EPHA6: variants seen among roughly 807,000 people sequenced by gnomAD.
EPHA6 encodes EPH receptor A6, also known as ephrin type-A receptor 6.
A neutral mutation model predicts 112.0 loss-of-function variants in EPHA6; 50 were observed. The observed-to-expected ratio is 0.45, with a 90% CI of 0.36 to 0.56. The LOEUF (loss-of-function observed/expected upper bound fraction) is 0.56, where lower values mean the gene tolerates loss of function less well. Among genes scored for constraint, EPHA6 ranks in the 20% least tolerant of loss-of-function variants. EPHA6 has a pLI of 0.00. For synonymous variants in EPHA6, 529 were observed against 490.7 expected (o/e 1.08, Z -1.03); for missense variants, 1,280 against 1,417.4 (o/e 0.90, Z 1.56).
At chr3:97,260,114 T>C (rs1364135931) in intron 5 of EPHA6, among the ~76,000 whole-genome samples, 4 of 152,196 alleles carry the variant, frequency 2.6e-5, no homozygotes, top group Non-Finnish European at 4.4e-5. Flanking sequence ...AAGTATATCT[T>C]AAGTAACATG....
At chr3:97,190,009 A>G (rs2077258847) in intron 3 of EPHA6, among the ~76,000 whole-genome samples, 1 of 152,058 alleles carries the variant, frequency 6.6e-6, no homozygotes, top group South Asian at 2.1e-4. Context: ...AATGGAAATA[A>G]CAGAATCTCA....
intron 2 of EPHA6, among the ~76,000 whole-genome samples, chr3:96,898,163 C>T (rs757043444): frequency 1.3e-5 from 2 of 152,122 alleles, no homozygotes; most frequent in African/African-American, 2.4e-5. Context: ...TGAAAGTTAA[C>T]CCTTAACTGA....
intron 3 of EPHA6, among the ~76,000 whole-genome samples, chr3:97,153,124 A>G (rs1238824780): frequency 6.6e-6 from 1 of 152,140 alleles, no homozygotes; most frequent in East Asian, 1.9e-4. Flanking sequence ...TATTGTATAT[A>G]TTGTGTACCT....
At chr3:97,675,652 A>T (rs1229652275) in intron 14 of EPHA6, among the ~76,000 whole-genome samples, 1 of 152,168 alleles carries the variant, frequency 6.6e-6, no homozygotes, top group Non-Finnish European at 1.5e-5. Context: ...AACAGTCGTT[A>T]CCCATAAACT....
At chr3:97,655,442 A>G (rs1216528477) in intron 14 of EPHA6, among the ~76,000 whole-genome samples, 1 of 151,920 alleles carries the variant, frequency 6.6e-6, no homozygotes, top group African/African-American at 2.4e-5. Flanking sequence ...AGGTTGAGAA[A>G]AAAAGAGAAA....
intron 2 of EPHA6, among the ~76,000 whole-genome samples, chr3:96,929,192 C>A (rs1441215585): frequency 6.6e-6 from 1 of 152,150 alleles, no homozygotes; most frequent in Non-Finnish European, 1.5e-5. Flanking sequence ...AGTCCCACAG[C>A]CATTCTGTGT....
chr3:97,649,047 G>A (rs2094088456), intron 14 of EPHA6, among the ~76,000 whole-genome samples: 1 of 152,124 alleles, frequency 6.6e-6, no homozygotes, highest in South Asian at 2.1e-4. Flanking sequence ...CACAAAACAG[G>A]CACTTAGGTA....
chr3:97,488,167 A>G (rs1011322349), intron 10 of EPHA6, among the ~76,000 whole-genome samples: 2 of 152,162 alleles, frequency 1.3e-5, no homozygotes, highest in Non-Finnish European at 2.9e-5. Context: ...CCTTGTCTCA[A>G]TGGAAATACA....
chr3:97,701,676 C>T (rs1384344232), intron 14 of EPHA6, among the ~76,000 whole-genome samples: 1 of 151,324 alleles, frequency 6.6e-6, no homozygotes, highest in Non-Finnish European at 1.5e-5. Flanking sequence ...GTACTATTTG[C>T]ATTTGTCTGA....
intron 3 of EPHA6, among the ~76,000 whole-genome samples, chr3:97,110,880 T>C (rs1293085364): frequency 2.0e-5 from 3 of 152,132 alleles, no homozygotes; most frequent in Non-Finnish European, 4.4e-5. Flanking sequence ...TAATGTGACT[T>C]GCTCAGAATT....
At chr3:97,404,336 C>T (rs919591673) in intron 5 of EPHA6, among the ~76,000 whole-genome samples, 16 of 152,022 alleles carry the variant, frequency 1.1e-4, no homozygotes, top group African/African-American at 3.6e-4. Context: ...TTTTTTTGTG[C>T]CAATCTGTTA....
intron 5 of EPHA6, among the ~76,000 whole-genome samples, chr3:97,347,449 A>C (rs1249432438): frequency 2.0e-5 from 3 of 152,116 alleles, no homozygotes; most frequent in Non-Finnish European, 2.9e-5. Context: ...TACAAAAAAA[A>C]TTTACTAAGT....
At chr3:97,678,406 T>C (rs1424699857) in intron 14 of EPHA6, among the ~76,000 whole-genome samples, 3 of 152,132 alleles carry the variant, frequency 2.0e-5, no homozygotes, top group Non-Finnish European at 4.4e-5. Flanking sequence ...TTTTGAAGAC[T>C]ACAAAGTAGA....
At chr3:97,600,584 C>G in intron 12 of EPHA6, among the ~76,000 whole-genome samples, 1 of 152,132 alleles carries the variant, frequency 6.6e-6, no homozygotes, top group East Asian at 1.9e-4. Context: ...ACCTTCCTCC[C>G]CAACCCTGAT....
chr3:96,949,055 G>A (rs142428351), intron 2 of EPHA6, among the ~76,000 whole-genome samples: 9 of 152,244 alleles, frequency 5.9e-5, no homozygotes, highest in Non-Finnish European at 1.3e-4. Flanking sequence ...AATAAAATTG[G>A]TGTTGGATGA....
chr3:96,973,818 C>A (rs1383602965), intron 2 of EPHA6, among the ~76,000 whole-genome samples: 2 of 138,632 alleles, frequency 1.4e-5, no homozygotes, highest in Non-Finnish European at 3.1e-5. Flanking sequence ...GAGCGAGACT[C>A]CATATCAAAA....
At chr3:96,911,613 T>C (rs2039217216) in intron 2 of EPHA6, among the ~76,000 whole-genome samples, 1 of 152,074 alleles carries the variant, frequency 6.6e-6, no homozygotes, top group Non-Finnish European at 1.5e-5. Flanking sequence ...CATTTGTTCA[T>C]ACATGGTGCT....
At chr3:97,403,634 G>A (rs1162839759) in intron 5 of EPHA6, among the ~76,000 whole-genome samples, 1 of 152,190 alleles carries the variant, frequency 6.6e-6, no homozygotes, top group East Asian at 1.9e-4. Context: ...TTTTAGTAGA[G>A]ACGGGGTTTC....
chr3:97,059,751 A>G (rs975920648), intron 3 of EPHA6, among the ~76,000 whole-genome samples: 1 of 151,292 alleles, frequency 6.6e-6, no homozygotes, highest in African/African-American at 2.4e-5. Flanking sequence ...AAAAGAATTT[A>G]TAATAAATAA....
Sources: allele counts gnomAD v4.1 joint callset (sites outside exome capture counted in the v4.1 genomes callset), GRCh38; gene constraint gnomAD v4.1.1; transcripts MANE v1.5; gene names NCBI Gene and HGNC (gene_info 2026-07-23, HGNC 2026-07-21).